Variants in PSPC1 observed in about 807,000 individuals in gnomAD.
The protein encoded by PSPC1 is paraspeckle protein 1.
A neutral mutation model predicts 51.6 loss-of-function variants in PSPC1; 14 were observed. The ratio of observed to expected loss-of-function variants is 0.27; its 90% confidence interval spans 0.18 to 0.42. The LOEUF is 0.42. Ranked by LOEUF, PSPC1 falls within the 10% of genes least tolerant of loss-of-function variation. PSPC1 has a pLI of 1.00. For synonymous variants in PSPC1, 193 were observed against 231.9 expected (o/e 0.83, Z 1.53); for missense variants, 406 against 701.1 (o/e 0.58, Z 4.75).
intron 3 of PSPC1, among the ~76,000 whole-genome samples, chr13:19,751,915 G>A (rs1235458636): frequency 1.3e-5 from 2 of 152,182 alleles, no homozygotes; most frequent in African/African-American, 2.4e-5. Flanking sequence ...AAAATTAGCC[G>A]GGCGTGGTGG....
chr13:19,768,233 AAAAT>A (rs970351654), intron 2 of PSPC1, among the ~76,000 whole-genome samples: 4 of 151,184 alleles, frequency 2.6e-5, no homozygotes, highest in African/African-American at 9.7e-5. Context: ...CCCCCCCAAA[AAAAT>A]AAATAAATAA....
chr13:19,719,879 A>G (rs1202621572), intron 6 of PSPC1, among the ~76,000 whole-genome samples: 2 of 152,140 alleles, frequency 1.3e-5, no homozygotes, highest in African/African-American at 4.8e-5. Flanking sequence ...CGGGCCTCTC[A>G]CTATGTTGCC....
At chr13:19,778,289 T>A (rs1282618888) in intron 1 of PSPC1, among the ~76,000 whole-genome samples, 1 of 86,490 alleles carries the variant, frequency 1.2e-5, no homozygotes, top group African/African-American at 2.6e-5. Flanking sequence ...ATTAATTTTT[T>A]AAAAAAGAAA....
At chr13:19,722,940 T>C (rs1263216029) in intron 6 of PSPC1, among the ~76,000 whole-genome samples, 3 of 152,010 alleles carry the variant, frequency 2.0e-5, no homozygotes, top group African/African-American at 7.3e-5. Context: ...TGAAACCCCA[T>C]CTCTACTAAA....
chr13:19,735,033 C>T (rs980726120), intron 5 of PSPC1, among the ~76,000 whole-genome samples: 2 of 151,458 alleles, frequency 1.3e-5, no homozygotes, highest in Admixed American at 6.6e-5. Context: ...GAAGTGGGGC[C>T]GGGTGCGGTG....
chr13:19,773,627 T>C (rs1333124033), intron 1 of PSPC1, among the ~76,000 whole-genome samples: 5 of 152,058 alleles, frequency 3.3e-5, no homozygotes, highest in African/African-American at 9.7e-5. Context: ...CAATTTTATA[T>C]GTAAAAACTG....
At chr13:19,675,276 T>C (rs1876515946) in intron 7 of PSPC1, 1 of 152,240 alleles carries the variant, frequency 6.6e-6, no homozygotes, top group Non-Finnish European at 1.5e-5. Context: ...ACTCCTCTAA[T>C]GGTTCCCAGG....
chr13:19,686,086 T>TC (rs1360707143), intron 6 of PSPC1, among the ~76,000 whole-genome samples: 1 of 152,350 alleles, frequency 6.6e-6, no homozygotes, highest in Admixed American at 6.5e-5. Context: ...ATTCTCGCTC[T>TC]CCTCCACTCA....
At chr13:19,741,142 G>A (rs111404819) in intron 5 of PSPC1, among the ~76,000 whole-genome samples, 39 of 152,214 alleles carry the variant, frequency 2.6e-4, no homozygotes, top group African/African-American at 7.5e-4. Flanking sequence ...CCAAAGTGCT[G>A]GAATTACAGG....
chr13:19,777,318 T>C (rs895686279), intron 1 of PSPC1, among the ~76,000 whole-genome samples: 1 of 146,914 alleles, frequency 6.8e-6, no homozygotes, highest in African/African-American at 2.5e-5. Flanking sequence ...TAATTCCAGC[T>C]ACTCCAGAGG....
intron 7 of PSPC1, among the ~76,000 whole-genome samples, chr13:19,676,970 C>G (rs1463668106): frequency 6.6e-6 from 1 of 152,216 alleles, no homozygotes; most frequent in Non-Finnish European, 1.5e-5. Context: ...CACAGTGGCT[C>G]ACGCCTCTAA....
intron 1 of PSPC1, among the ~76,000 whole-genome samples, chr13:19,780,033 C>A: frequency 7.0e-6 from 1 of 142,666 alleles, no homozygotes; most frequent in African/African-American, 2.6e-5. Flanking sequence ...CCCTGCCCGG[C>A]CAGCCGCCCC....
At chr13:19,717,481 A>T (rs929065814) in intron 6 of PSPC1, among the ~76,000 whole-genome samples, 3 of 151,856 alleles carry the variant, frequency 2.0e-5, no homozygotes, top group African/African-American at 7.3e-5. Context: ...CGAAGCGGGC[A>T]GATCACCTGA....
chr13:19,751,568 C>T, intron 3 of PSPC1, 101 bp from the exon 4 acceptor site: 3 of 779,796 alleles, frequency 3.8e-6, no homozygotes, highest in East Asian at 3.1e-5. Context: ...CCGTGTGAGA[C>T]ACCGTGTCTA....
In PSPC1 at chr13:19,776,734, C is replaced by G. The variant is rs555804823; in HGVS notation, c.373-4191G>C. On this transcript the variant is annotated intron_variant, in intron 1 of 8. Coordinates refer to ENST00000338910, the MANE Select transcript of PSPC1 (RefSeq NM_001354909.2). ...GTGTTAGCCAGGATGGTCTCGATCT[C>G]CTGACCTCATGATACGCCTGCCTCG... 6.3e-4 allele frequency among the ~76,000 whole-genome samples: 96 copies of G among 151,946 alleles called. 2 individuals are homozygous for G. The South Asian group carries it at 0.019, about 30-fold the overall frequency.
rs535378480 is a variant in PSPC1 at position 19,718,525 on chromosome 13, G to A, written c.1159-8926C>T. Among the ~76,000 whole-genome samples the A allele has an allele frequency of 4.8e-3, 732 of 152,264 alleles. 8 individuals are homozygous for A. The highest frequency in any genetic ancestry group is 0.017 in the African/African-American group (710 of 41,532). On this transcript the variant is annotated intron_variant, in intron 6 of 8. Transcript: ENST00000338910. Reference sequence around the variant, plus strand: ...GATGCAACAAGAACTTCAACGTATTGCTGAAGGGAATACAAACAGGTGTAA... The same window carrying A: ...GATGCAACAAGAACTTCAACGTATTACTGAAGGGAATACAAACAGGTGTAA...
intron 7 of PSPC1, chr13:19,675,906 T>A (rs1413488600): frequency 6.6e-6 from 1 of 152,208 alleles, no homozygotes. Context: ...TTAATAATTT[T>A]ACTTTCTTTA....
At chr13:19,685,963 TGC>T (rs752324878) in intron 6 of PSPC1, among the ~76,000 whole-genome samples, 1 of 152,194 alleles carries the variant, frequency 6.6e-6, no homozygotes, top group Non-Finnish European at 1.5e-5. Context: ...TGGCCATTAC[TGC>T]TATATGCATC....
chr13:19,768,844 C>G (rs189504652), intron 2 of PSPC1, among the ~76,000 whole-genome samples: 2 of 150,620 alleles, frequency 1.3e-5, no homozygotes, highest in Admixed American at 6.6e-5. Context: ...TCTAAAAACA[C>G]CAAGTGGCAA....
Sources: allele counts gnomAD v4.1 joint callset (sites outside exome capture counted in the v4.1 genomes callset), GRCh38; gene constraint gnomAD v4.1.1; transcripts MANE v1.5; gene names NCBI Gene and HGNC (gene_info 2026-07-23, HGNC 2026-07-21).